The following MYO19 variants were observed in gnomAD, a reference collection of about 807,000 sequenced individuals.
MYO19 encodes the protein unconventional myosin-XIX.
A neutral mutation model predicts 129.2 loss-of-function variants in MYO19; 132 were observed. That is an observed-to-expected ratio of 1.02 (90% confidence interval 0.89 to 1.18). MYO19 has a LOEUF of 1.18. Ranked by LOEUF, MYO19 falls within the 50% of genes most tolerant of loss-of-function variation. The pLI is 0.00. For synonymous variants in MYO19, 531 were observed against 477.2 expected, an observed-to-expected ratio of 1.11 and a Z score of -1.47; for missense variants, 1,210 against 1,216.7, an observed-to-expected ratio of 0.99 and a Z score of 0.08.
At position 36,495,861 on chromosome 17, in the gene MYO19, T is replaced by C; in HGVS notation, c.*390A>G. The C allele has an allele frequency of 2.4e-6, 3 of 1,240,558 alleles. No individual in the cohort carries two copies. Among genetic ancestry groups the C allele is most frequent in the Middle Eastern group, 3.1e-4 (1 of 3,234 alleles). The allele number at this position is 1,240,558 out of a possible 1,614,324, so 76.8% of individuals were successfully genotyped here. On this transcript the variant is annotated 3_prime_UTR_variant, in exon 26 of 26. Transcript: ENST00000614623. ...TTAAAGGAAATAACCACAAGATTTT[T>C]CCCAGCCCAAATTCCAGCGCCAATT... is the stretch of plus-strand genomic sequence containing the variant.
At position 36,500,963 on chromosome 17, in the gene MYO19, G is replaced by C; in HGVS notation, c.2248-4C>G. The C allele has an allele frequency of 6.2e-7, 1 of 1,610,446 alleles. No homozygotes were observed. The highest frequency in any genetic ancestry group is 8.5e-7 in the Non-Finnish European group (1 of 1,177,152). On this transcript the variant is annotated splice_polypyrimidine_tract_variant and splice_region_variant and intron_variant, in intron 22 of 25. Transcript: ENST00000614623. ...GCCCACATTCCAGAAGCTCCAGCTGGGAGAAAAGGCATCCATTGAGGGCAG... is the reference window on the plus strand; with the variant it reads ...GCCCACATTCCAGAAGCTCCAGCTGCGAGAAAAGGCATCCATTGAGGGCAG...
chr17:36,519,707 A>T (rs1429340090), intron 6 of MYO19, among the ~76,000 whole-genome samples: 1 of 106,888 alleles, frequency 9.4e-6, no homozygotes. Flanking sequence ...CCAAATATTT[A>T]TCTGGTTTTC....
chr17:36,512,758 C>T, intron 11 of MYO19: 2 of 1,288,952 alleles, frequency 1.6e-6, no homozygotes, highest in Non-Finnish European at 2.0e-6. Context: ...CCAGGCCATC[C>T]TATCTATCCC....
chr17:36,537,365 C>G, upstream of MYO19: 2 of 1,613,892 alleles, frequency 1.2e-6, no homozygotes, highest in Non-Finnish European at 1.7e-6. Context: ...GTGTAATTAT[C>G]TTTGGGGCAG....
chr17:36,504,006 C>T lies in MYO19; in HGVS notation c.1920G>A (p.Leu640=), dbSNP rs1261606872. ...TFLQEEVLSQ[L]EACGLVETIH... ...TGGTCTCCACGAGGCCACAGGCCTC[C>T]AGCTGGCTCAGGACCTGCAAGGGTG... The change falls in exon 20 of 26, where the codon CTG becomes CTA. Residue 640 remains leucine, a synonymous_variant. Coordinates refer to ENST00000614623, the MANE Select transcript of MYO19 (RefSeq NM_001163735.2). The T allele has an allele frequency of 1.9e-6, 3 of 1,576,376 alleles. No homozygotes were observed. The highest frequency in any genetic ancestry group is 1.7e-6 in the Non-Finnish European group (2 of 1,163,394).
At chr17:36,526,255 A>G (rs2073457689) in intron 5 of MYO19, among the ~76,000 whole-genome samples, 1 of 151,778 alleles carries the variant, frequency 6.6e-6, no homozygotes, top group Non-Finnish European at 1.5e-5. Flanking sequence ...TCCCAGTCCC[A>G]CCTCTACCTG....
chr17:36,499,411 G>T lies in MYO19; in HGVS notation c.2378-251C>A, dbSNP rs1019175613. 2.0e-4 allele frequency: 62 copies of T among 317,344 alleles called. 1 individual carries two copies. Among genetic ancestry groups the T allele is most frequent in the Non-Finnish European group, 4.4e-5 (7 of 160,018 alleles). 19.7% of individuals were successfully genotyped at this position (317,344 alleles called of 1,614,324 possible). On this transcript the variant is annotated intron_variant, in intron 23 of 25. Transcript: ENST00000614623. The stretch of plus-strand genomic sequence containing the variant: ...GAAGGGGCACTGGGGAGAAGGACTG[G>T]CTGAGGGCCCAGCAATCACTTCCCG...
At chr17:36,502,927 C>T (rs969045653) in intron 21 of MYO19, 170 bp downstream of exon 21, 3 of 634,782 alleles carry the variant, frequency 4.7e-6, no homozygotes, top group Non-Finnish European at 8.4e-6. Context: ...CTCTGCTTTT[C>T]CACTTTCCAT....
intron 11 of MYO19, chr17:36,512,791 G>A: frequency 1.6e-6 from 2 of 1,286,156 alleles, no homozygotes; most frequent in South Asian, 2.5e-5. Context: ...TAGAGGGTGA[G>A]GAAGATGAGA....
At chr17:36,520,391 C>A (rs773535380) in intron 6 of MYO19, among the ~76,000 whole-genome samples, 2 of 152,234 alleles carry the variant, frequency 1.3e-5, no homozygotes, top group Non-Finnish European at 2.9e-5. Context: ...TCTGTGCTTG[C>A]CATCTTTGGT....
chr17:36,537,648 C>T, upstream of MYO19: 1 of 1,614,096 alleles, frequency 6.2e-7, no homozygotes, highest in Non-Finnish European at 8.5e-7. Flanking sequence ...AATGGTTTGT[C>T]TAGAGGTCAG....
chr17:36,508,068 G>A (rs1410305560), intron 14 of MYO19, 144 bp from the exon 15 acceptor site: 2 of 854,594 alleles, frequency 2.3e-6, no homozygotes, highest in South Asian at 2.3e-5. Context: ...TGACACCTGT[G>A]GTGGGCAGAA....
intron 15 of MYO19, 144 bp downstream of exon 15, chr17:36,507,659 T>C: frequency 1.6e-6 from 2 of 1,215,120 alleles, no homozygotes; most frequent in South Asian, 1.5e-5. Flanking sequence ...TTGTACTCCA[T>C]ATGTGCAATT....
chr17:36,506,552 G>A lies in MYO19; in HGVS notation c.1701C>T (p.Leu567=), dbSNP rs199806911. ...RLLQQSQDPL[L]MGLFPTNPKE... ...TGGGGTTAGTAGGAAACAGCCCCATGAGCAGGGGGTCCTGGGATTGCTGCA... is the reference window on the plus strand; with the variant it reads ...TGGGGTTAGTAGGAAACAGCCCCATAAGCAGGGGGTCCTGGGATTGCTGCA... Residue 567 remains leucine (L), a synonymous_variant, in exon 18 of 26, where the codon CTC becomes CTT. Transcript: ENST00000614623. The A allele has an allele frequency of 8.3e-5, 131 of 1,584,308 alleles. No individual in the cohort carries two copies. Among genetic ancestry groups the A allele is most frequent in the Non-Finnish European group, 1.0e-4 (120 of 1,168,840 alleles).
chr17:36,528,027 C>T, intron 4 of MYO19, 37 bp downstream of exon 4: 1 of 1,597,744 alleles, frequency 6.3e-7, no homozygotes, highest in Non-Finnish European at 8.6e-7. Context: ...CTCCAACCTC[C>T]TGGAGATGAT....
chr17:36,532,861 C>T (rs559960128), intron 2 of MYO19, among the ~76,000 whole-genome samples, 180 bp from the exon 3 acceptor site: 103 of 152,252 alleles, frequency 6.8e-4, no homozygotes, highest in African/African-American at 2.2e-3. Context: ...ATGAGAGCCT[C>T]AGAGGCTCCC....
At chr17:36,503,890 G>C (rs890011212) in intron 20 of MYO19, 60 bp downstream of exon 20, 8 of 1,360,378 alleles carry the variant, frequency 5.9e-6, no homozygotes, top group South Asian at 3.1e-5. Context: ...CTTGCCCAAT[G>C]AGAGTCCTGA....
At chr17:36,506,933 A>G in intron 17 of MYO19, 30 bp downstream of exon 17, 1 of 1,533,932 alleles carries the variant, frequency 6.5e-7, no homozygotes, top group Admixed American at 2.1e-5. Flanking sequence ...CGTTTCTCGC[A>G]GGCCCCACAG....
intron 16 of MYO19, 74 bp from the exon 17 acceptor site, chr17:36,507,213 T>TG: frequency 6.5e-7 from 1 of 1,549,588 alleles, no homozygotes; most frequent in Non-Finnish European, 8.8e-7. Context: ...CCCCACCCTG[T>TG]GGACCCCATG....
Sources: gnomAD v4.1 joint callset for allele counts (sites outside exome capture counted in the v4.1 genomes callset) on GRCh38, gnomAD v4.1.1 for gene constraint, MANE v1.5 for transcripts, NCBI Gene and HGNC (gene_info 2026-07-23, HGNC 2026-07-21) for gene names.